PCDH9: variants seen among roughly 807,000 people sequenced by gnomAD.
The protein encoded by PCDH9 is protocadherin 9, also known as protocadherin-9.
In PCDH9, 24 loss-of-function variants were observed where a neutral mutation model predicts 70.6. The observed-to-expected ratio is 0.34, with a 90% CI of 0.25 to 0.48. The LOEUF is 0.48. Ranked by LOEUF, PCDH9 falls within the 20% of genes least tolerant of loss-of-function variation. The pLI is 0.99. For synonymous variants in PCDH9, 562 were observed against 558.5 expected, an observed-to-expected ratio of 1.01 and a Z score of -0.09; for missense variants, 1,281 against 1,503.6, an observed-to-expected ratio of 0.85 and a Z score of 2.45.
At chr13:66,713,652 T>TATATATATAA (rs1356252438) in intron 3 of PCDH9, among the ~76,000 whole-genome samples, 2 of 139,510 alleles carry the variant, frequency 1.4e-5, no homozygotes, top group African/African-American at 5.2e-5. Context: ...TATATATATA[T>TATATATATAA]AATGTACACA....
chr13:66,864,772 C>T (rs1017720995), intron 3 of PCDH9, among the ~76,000 whole-genome samples: 3 of 152,144 alleles, frequency 2.0e-5, no homozygotes, highest in Non-Finnish European at 2.9e-5. Context: ...AACTAGGAAG[C>T]ATTAATCAGA....
At chr13:66,961,063 T>C (rs1370086825) in intron 2 of PCDH9, among the ~76,000 whole-genome samples, 2 of 152,216 alleles carry the variant, frequency 1.3e-5, no homozygotes, top group East Asian at 3.8e-4. Flanking sequence ...TCAACTGATT[T>C]GTACTGACTT....
intron 4 of PCDH9, among the ~76,000 whole-genome samples, chr13:66,440,079 C>T (rs112676501): frequency 8.3e-4 from 126 of 152,172 alleles, no homozygotes; most frequent in Middle Eastern, 3.4e-3. Flanking sequence ...GATCTTTAAA[C>T]GTGACATAAT....
intron 3 of PCDH9, among the ~76,000 whole-genome samples, chr13:66,826,046 C>T (rs1358633419): frequency 6.6e-6 from 1 of 151,850 alleles, no homozygotes; most frequent in Non-Finnish European, 1.5e-5. Flanking sequence ...TAAAGACTTC[C>T]TAAATATTTC....
Position 66,587,297 on chromosome 13 carries a change from C to CAAACA in PCDH9, c.3340+43908_3340+43912dup, listed in dbSNP as rs542611312. ...TGGGAAACAGAGTGAGACCCTGTCT[C>CAAACA]AAACAAAACAAAACAAAACAAAACA... is the stretch of plus-strand genomic sequence containing the variant. On this transcript the variant is annotated intron_variant, in intron 4 of 4. Transcript: ENST00000377865. Among the ~76,000 whole-genome samples the CAAACA allele has an allele frequency of 5.5e-3, 836 of 151,712 alleles. 1 individual carries two copies. The highest frequency in any genetic ancestry group is 0.018 in the African/African-American group (743 of 41,364).
chr13:67,153,599 C>T (rs1366748207), intron 2 of PCDH9, among the ~76,000 whole-genome samples: 1 of 152,206 alleles, frequency 6.6e-6, no homozygotes, highest in African/African-American at 2.4e-5. Context: ...CTATGGATGT[C>T]GTTTTCACCT....
chr13:66,530,198 G>C (rs558500252), intron 4 of PCDH9, among the ~76,000 whole-genome samples: 49 of 152,144 alleles, frequency 3.2e-4, no homozygotes, highest in African/African-American at 1.2e-3. Flanking sequence ...GGGTTCTGAA[G>C]GTACTTTTGT....
intron 3 of PCDH9, among the ~76,000 whole-genome samples, chr13:66,778,903 T>C (rs1199045093): frequency 6.6e-6 from 1 of 152,216 alleles, no homozygotes; most frequent in Admixed American, 6.5e-5. Context: ...CCCTGGGTTG[T>C]TGCTCTCTAC....
intron 4 of PCDH9, among the ~76,000 whole-genome samples, chr13:66,310,450 T>C (rs1479696468): frequency 1.3e-5 from 2 of 152,044 alleles, no homozygotes; most frequent in Non-Finnish European, 2.9e-5. Flanking sequence ...CTTGAGTGGT[T>C]CTTGATGTCA....
intron 4 of PCDH9, among the ~76,000 whole-genome samples, chr13:66,564,024 G>T (rs1352609215): frequency 6.6e-6 from 1 of 151,954 alleles, no homozygotes; most frequent in Non-Finnish European, 1.5e-5. Flanking sequence ...GCTAAAATAT[G>T]TTTGGTACAT....
chr13:66,854,947 G>T (rs931493891), intron 3 of PCDH9, among the ~76,000 whole-genome samples: 17 of 152,084 alleles, frequency 1.1e-4, no homozygotes, highest in Non-Finnish European at 2.4e-4. Flanking sequence ...CCTAGGAGCA[G>T]CGTTTCAGAA....
intron 3 of PCDH9, among the ~76,000 whole-genome samples, chr13:66,755,287 T>C (rs1478717059): frequency 6.6e-6 from 1 of 152,198 alleles, no homozygotes; most frequent in Non-Finnish European, 1.5e-5. Context: ...GTGTGGATAT[T>C]AACTACATCA....
At chr13:67,055,502 C>T (rs2085400782) in intron 2 of PCDH9, among the ~76,000 whole-genome samples, 1 of 152,118 alleles carries the variant, frequency 6.6e-6, no homozygotes, top group Non-Finnish European at 1.5e-5. Flanking sequence ...CCTTCCTGGG[C>T]AGGTGGATTT....
rs1404083465 is a variant in PCDH9, at chr13:66,753,328, A to G, written c.3139-121917T>C. Among the ~76,000 whole-genome samples, 6 of 152,258 alleles carry G rather than the reference A, an allele frequency of 3.9e-5. No homozygotes were observed. In the East Asian group the frequency reaches 1.2e-3, roughly 29 times the overall value. On this transcript the variant is annotated intron_variant, in intron 3 of 4. Coordinates refer to ENST00000377865, the MANE Select transcript of PCDH9 (RefSeq NM_203487.3). The stretch of plus-strand genomic sequence containing the variant: ...CTGTAAAATGACTGCAGTTAACAGT[A>G]TAATAAATCATTTCAAATAGCTAGA...
chr13:67,034,543 G>A (rs535837491), intron 2 of PCDH9, among the ~76,000 whole-genome samples: 44 of 152,100 alleles, frequency 2.9e-4, no homozygotes, highest in African/African-American at 1.0e-3. Context: ...TGTATAATAC[G>A]GATCTATATT....
rs573711972 is a variant in PCDH9 at position 66,518,858 on chromosome 13, T to C, written c.3340+112352A>G. ...TAAAAGAGACCAAAACCCAAACGCA[T>C]GAATTAACACCAGGGCAAATTGCTT... On this transcript the variant is annotated intron_variant, in intron 4 of 4. Transcript: ENST00000377865. Among the ~76,000 whole-genome samples the C allele has an allele frequency of 2.6e-5, 4 of 152,246 alleles. No individual in the cohort carries two copies. The South Asian group carries it at 8.3e-4, about 32-fold the overall frequency.
intron 2 of PCDH9, chr13:67,210,161 A>G (rs2089439293): frequency 6.6e-6 from 1 of 152,140 alleles, no homozygotes; most frequent in Non-Finnish European, 1.5e-5. Context: ...ACTGATAAAA[A>G]TATGGCAGCT....
chr13:67,155,837 G>C (rs2087797001), intron 2 of PCDH9, among the ~76,000 whole-genome samples: 1 of 151,910 alleles, frequency 6.6e-6, no homozygotes, highest in Non-Finnish European at 1.5e-5. Flanking sequence ...TTTTACTTAG[G>C]TGTCTAAATT....
Position 67,228,475 on chromosome 13 carries a change from G to T in PCDH9, c.-35C>A, listed in dbSNP as rs1247385898. 2.0e-6 allele frequency: 3 copies of T among 1,511,898 alleles called. No individual in the cohort carries two copies. Among genetic ancestry groups the T allele is most frequent in the East Asian group, 2.3e-5 (1 of 43,940 alleles). 93.7% of individuals were successfully genotyped at this position (1,511,898 alleles called of 1,614,324 possible). A position where few individuals can be genotyped will look rare whatever the true frequency, so the allele number is the denominator to read the frequency against. On this transcript the variant is annotated 5_prime_UTR_variant, in exon 2 of 5. Transcript: ENST00000377865. ...TTTATTTTCTTTTCCTGGATTTTAG[G>T]GTTTAAAGGTTTCCACTGAGGAATG...
Sources: allele counts gnomAD v4.1 joint callset (sites outside exome capture counted in the v4.1 genomes callset), GRCh38; gene constraint gnomAD v4.1.1; transcripts MANE v1.5; gene names NCBI Gene and HGNC (gene_info 2026-07-23, HGNC 2026-07-21).